Variants in AGPAT3 observed in about 807,000 individuals in gnomAD.
AGPAT3 encodes 1-acylglycerol-3-phosphate O-acyltransferase 3.
AGPAT3 carries 5 observed loss-of-function variants against 47.3 expected under a neutral mutation model. The observed-to-expected ratio is 0.11, with a 90% CI of 0.06 to 0.22. AGPAT3 has a LOEUF of 0.22. AGPAT3 is among the 10% of genes least tolerant of loss of function. AGPAT3 has a pLI of 1.00. For synonymous variants in AGPAT3, 212 were observed against 208.3 expected, an observed-to-expected ratio of 1.02 and a Z score of -0.15; for missense variants, 315 against 493.0, an observed-to-expected ratio of 0.64 and a Z score of 3.42.
chr21:43,889,847 C>T (rs191746625), intron 1 of AGPAT3, among the ~76,000 whole-genome samples: 34 of 152,282 alleles, frequency 2.2e-4, no homozygotes, highest in African/African-American at 7.7e-4. Flanking sequence ...TGCTAGTAGA[C>T]GGGTCTGCTT....
chr21:43,975,823 G>A (rs1426802407), intron 7 of AGPAT3, among the ~76,000 whole-genome samples: 10 of 152,164 alleles, frequency 6.6e-5, no homozygotes, highest in Non-Finnish European at 4.4e-5. Flanking sequence ...CAGTGCTCGG[G>A]GCAGCCCAGC....
intron 2 of AGPAT3, among the ~76,000 whole-genome samples, chr21:43,911,146 A>C (rs1196356842): frequency 6.6e-6 from 1 of 152,236 alleles, no homozygotes; most frequent in Non-Finnish European, 1.5e-5. Flanking sequence ...CTCTCTGCAA[A>C]ACCTGACTTT....
chr21:43,935,203 G>A (rs1370899831), intron 2 of AGPAT3, among the ~76,000 whole-genome samples: 2 of 152,266 alleles, frequency 1.3e-5, no homozygotes, highest in African/African-American at 2.4e-5. Flanking sequence ...TTTGCTGTGC[G>A]GGCATCGGTT....
chr21:43,930,802 G>A lies in AGPAT3; in HGVS notation c.-49+26783G>A, dbSNP rs1054489230. Among the ~76,000 whole-genome samples the A allele has an allele frequency of 3.3e-5, 5 of 152,124 alleles. No individual in the cohort carries two copies. The highest frequency in any genetic ancestry group is 1.2e-4 in the African/African-American group (5 of 41,414). ...GGTGGCTCCTCACGGTGGCCGGGGT[G>A]GCCCACGGCAGGCCAGTGTGCGGTC... On this transcript the variant is annotated intron_variant, in intron 2 of 9. Coordinates refer to ENST00000291572, the MANE Select transcript of AGPAT3 (RefSeq NM_020132.5). The surrounding 1 kb of genome is among the most constrained non-coding windows in gnomAD (Gnocchi z 5.0).
chr21:43,910,641 G>A (rs746641433), intron 2 of AGPAT3, among the ~76,000 whole-genome samples: 5 of 152,158 alleles, frequency 3.3e-5, no homozygotes, highest in Non-Finnish European at 7.3e-5. Flanking sequence ...TGGGTGTTCC[G>A]GTCACTGCAG....
chr21:43,868,655 T>TG (rs1204968853), intron 1 of AGPAT3, among the ~76,000 whole-genome samples: 2 of 152,232 alleles, frequency 1.3e-5, no homozygotes, highest in East Asian at 3.8e-4. Context: ...TCTGCCCTCC[T>TG]GATTCTCAGC....
At chr21:43,916,010 T>C (rs1030856454) in intron 2 of AGPAT3, among the ~76,000 whole-genome samples, 14 of 152,324 alleles carry the variant, frequency 9.2e-5, no homozygotes, top group South Asian at 2.1e-4. Flanking sequence ...TATTTTCCCT[T>C]TAAGAGGAAT....
rs112823395 is a variant in AGPAT3, at chr21:43,970,868, T to TAA, written c.664+75_664+76dup. On this transcript the variant is annotated intron_variant, in intron 6 of 9. Transcript: ENST00000291572. The surrounding 1 kb of genome is among the most constrained non-coding windows in gnomAD (Gnocchi z 5.8). ...TGCTCACGGAAAATAGTGATTTCTT[T>TAA]AAAAAAAAAAAAAATGAGTGCATTC... The TAA allele has an allele frequency of 6.0e-3, 6,828 of 1,143,400 alleles. 65 individuals are homozygous for TAA. The highest frequency in any genetic ancestry group is 0.057 in the African/African-American group (3,467 of 61,108). 70.8% of individuals were successfully genotyped at this position (1,143,400 alleles called of 1,614,324 possible). A position where few individuals can be genotyped will look rare whatever the true frequency, so the allele number is the denominator to read the frequency against.
At chr21:43,963,707 C>CAAAAAAAAAA (rs10582784) in intron 3 of AGPAT3, among the ~76,000 whole-genome samples, 2 of 65,736 alleles carry the variant, frequency 3.0e-5, no homozygotes, top group African/African-American at 1.2e-4. Context: ...GACTCTGTCT[C>CAAAAAAAAAA]AAAAAAAAAA....
In AGPAT3 at chr21:43,908,470, C is replaced by T. The variant is rs2086555186; in HGVS notation, c.-49+4451C>T. ...GGTGTGTATGACTCGCTCCGTGATT[C>T]ATAACAAGGCATTTGCTTTCCTGGG... is the stretch of plus-strand genomic sequence containing the variant. On this transcript the variant is annotated intron_variant, in intron 2 of 9. Transcript: ENST00000291572. The surrounding 1 kb of genome is among the most constrained non-coding windows in gnomAD (Gnocchi z 4.9). Among the ~76,000 whole-genome samples the T allele has an allele frequency of 1.3e-5, 2 of 152,160 alleles. No individual in the cohort carries two copies. Among genetic ancestry groups the T allele is most frequent in the Non-Finnish European group, 2.9e-5 (2 of 68,038 alleles).
Position 43,986,470 on chromosome 21 carries a change from C to G in AGPAT3, c.*4078C>G, listed in dbSNP as rs984903968. 1 of 152,636 alleles carries G rather than the reference C, an allele frequency of 6.6e-6. No homozygotes were observed. The highest frequency in any genetic ancestry group is 1.5e-5 in the Non-Finnish European group (1 of 68,048). 9.5% of individuals were successfully genotyped at this position (152,636 alleles called of 1,614,324 possible). A position where few individuals can be genotyped will look rare whatever the true frequency, so the allele number is the denominator to read the frequency against. On this transcript the variant is annotated 3_prime_UTR_variant, in exon 10 of 10. Coordinates refer to ENST00000291572, the MANE Select transcript of AGPAT3 (RefSeq NM_020132.5). ...CACAAGTATTTGGACAGAAGTCGAA[C>G]TGTGAATGAGATACTGAAATGCACT... is the stretch of plus-strand genomic sequence containing the variant.
At chr21:43,938,878 A>C (rs932551826) in intron 2 of AGPAT3, among the ~76,000 whole-genome samples, 1 of 152,118 alleles carries the variant, frequency 6.6e-6, no homozygotes, top group African/African-American at 2.4e-5. Context: ...CAGTCACCTG[A>C]AGCCTTGTGG....
At chr21:43,928,063 C>T (rs2087115763) in intron 2 of AGPAT3, among the ~76,000 whole-genome samples, 1 of 152,336 alleles carries the variant, frequency 6.6e-6, no homozygotes, top group Admixed American at 6.5e-5. Flanking sequence ...TGCCCCGTGC[C>T]CTGGGAAGCT....
intron 7 of AGPAT3, among the ~76,000 whole-genome samples, chr21:43,972,151 T>C (rs967855616): frequency 1.3e-5 from 2 of 151,320 alleles, no homozygotes; most frequent in African/African-American, 4.9e-5. Context: ...TGTTTGATTT[T>C]TTTTTTTCTT....
Position 43,959,759 on chromosome 21 carries a change from G to C in AGPAT3, c.78G>C (p.Leu26=), listed in dbSNP as rs2146626149. ...LVGFVFVVSG[L]VINFVQLCTL... is the part of the protein sequence containing the mutation. ...GCTTTGTCTTCGTGGTGAGTGGTCT[G>C]GTCATCAACTTCGTCCAGCTGTGCA... The change falls in exon 3 of 10, where the codon CTG becomes CTC. Residue 26 remains leucine, a synonymous_variant. Transcript: ENST00000291572. 1 of 1,613,850 alleles carries C rather than the reference G, an allele frequency of 6.2e-7. No homozygotes were observed. Among genetic ancestry groups the C allele is most frequent in the Non-Finnish European group, 8.5e-7 (1 of 1,179,954 alleles).
intron 1 of AGPAT3, among the ~76,000 whole-genome samples, chr21:43,876,715 A>T (rs958714675): frequency 6.6e-6 from 1 of 152,082 alleles, no homozygotes; most frequent in African/African-American, 2.4e-5. Flanking sequence ...TCTGGGGGGA[A>T]ATTTTTTCTC....
chr21:43,941,444 G>C (rs572183243), intron 2 of AGPAT3, among the ~76,000 whole-genome samples: 1 of 152,342 alleles, frequency 6.6e-6, no homozygotes, highest in East Asian at 1.9e-4. Context: ...AGAATCCTAA[G>C]GCTGAGGCAG....
chr21:43,909,517 C>T (rs367738896), intron 2 of AGPAT3, among the ~76,000 whole-genome samples: 2 of 152,148 alleles, frequency 1.3e-5, no homozygotes, highest in East Asian at 3.9e-4. Context: ...AGGATGGTCT[C>T]GATCTCCTGA....
At chr21:43,900,760 G>C (rs920709529) in intron 1 of AGPAT3, among the ~76,000 whole-genome samples, 9 of 152,132 alleles carry the variant, frequency 5.9e-5, no homozygotes, top group Non-Finnish European at 1.3e-4. Flanking sequence ...GCCAGAGGGA[G>C]AGACTCACCA....
Sources: gnomAD v4.1 joint callset for allele counts (sites outside exome capture counted in the v4.1 genomes callset) on GRCh38, gnomAD v4.1.1 for gene constraint, Gnocchi (gnomAD v3.1) non-coding constraint, MANE v1.5 for transcripts, NCBI Gene and HGNC (gene_info 2026-07-23, HGNC 2026-07-21) for gene names.